The following INPP5D variants were observed in gnomAD, a reference collection of about 807,000 sequenced individuals.
INPP5D encodes the protein phosphatidylinositol 3,4,5-trisphosphate 5-phosphatase 1.
A neutral mutation model predicts 122.9 loss-of-function variants in INPP5D; 33 were observed. That is an observed-to-expected ratio of 0.27 (90% CI 0.20 to 0.36). INPP5D has a LOEUF of 0.36. Ranked by LOEUF, INPP5D falls within the 10% of genes least tolerant of loss-of-function variation. INPP5D has a pLI of 1.00. For synonymous variants in INPP5D, 584 were observed against 576.2 expected, an observed-to-expected ratio of 1.01 and a Z score of -0.19; for missense variants, 1,053 against 1,412.7, an observed-to-expected ratio of 0.75 and a Z score of 4.08.
At position 233,188,316 on chromosome 2, in the gene INPP5D, T is replaced by C. The variant is rs1321314648; in HGVS notation, c.2359-1534T>C. On this transcript the variant is annotated intron_variant, in intron 21 of 26. Coordinates refer to ENST00000445964, the MANE Select transcript of INPP5D (RefSeq NM_001017915.3). This position sits in a 1 kb window ranked among gnomAD's most constrained non-coding sequence, Gnocchi z 4.7. ...CCTGCTGTGGCCCCCTAGATAGTTC[T>C]CCTCCCTGCCACCGCCTGCCAGGGT... Among the ~76,000 whole-genome samples the C allele has an allele frequency of 1.3e-5, 2 of 151,946 alleles. No homozygotes were observed. Among genetic ancestry groups the C allele is most frequent in the Non-Finnish European group, 2.9e-5 (2 of 67,988 alleles).
chr2:233,074,419 C>A (rs989269813), intron 1 of INPP5D, among the ~76,000 whole-genome samples: 5 of 152,190 alleles, frequency 3.3e-5, no homozygotes, highest in Admixed American at 1.3e-4. Flanking sequence ...CACCTCCTGG[C>A]CAGCTGAGCC....
At chr2:233,152,961 C>G (rs1176728708) in intron 9 of INPP5D, among the ~76,000 whole-genome samples, 3 of 152,072 alleles carry the variant, frequency 2.0e-5, no homozygotes, top group Non-Finnish European at 2.9e-5. Context: ...ACAGGGACAC[C>G]AATTAGGAGG....
At chr2:233,070,673 C>A (rs1182188356) in intron 1 of INPP5D, among the ~76,000 whole-genome samples, 1 of 152,052 alleles carries the variant, frequency 6.6e-6, no homozygotes, top group African/African-American at 2.4e-5. Flanking sequence ...AAACTCCTGA[C>A]CTTGTGGTCC....
chr2:233,153,502 C>T (rs1693975453), intron 9 of INPP5D, among the ~76,000 whole-genome samples: 1 of 152,114 alleles, frequency 6.6e-6, no homozygotes, highest in Non-Finnish European at 1.5e-5. Context: ...TAGCGAGAGT[C>T]ACTTGTAGGA....
intron 17 of INPP5D, among the ~76,000 whole-genome samples, chr2:233,175,328 TA>T (rs1694591010): frequency 6.6e-6 from 1 of 152,064 alleles, no homozygotes; most frequent in African/African-American, 2.4e-5. Context: ...ATGTGATACT[TA>T]TAAACAATGG....
At chr2:233,129,727 G>A (rs1237266106) in intron 4 of INPP5D, among the ~76,000 whole-genome samples, 2 of 152,176 alleles carry the variant, frequency 1.3e-5, no homozygotes, top group Non-Finnish European at 2.9e-5. Flanking sequence ...CAGTGCCCTG[G>A]GTAGCCTTTG....
intron 1 of INPP5D, among the ~76,000 whole-genome samples, chr2:233,071,806 A>T (rs1241563644): frequency 6.6e-6 from 1 of 152,244 alleles, no homozygotes; most frequent in Non-Finnish European, 1.5e-5. Flanking sequence ...TATAACTGAT[A>T]ACATACAGGG....
At chr2:233,138,786 C>T (rs1023909433) in intron 5 of INPP5D, among the ~76,000 whole-genome samples, 1 of 152,008 alleles carries the variant, frequency 6.6e-6, no homozygotes, top group African/African-American at 2.4e-5. Context: ...CGCTCTGTCG[C>T]CCAGGCTGGA....
At chr2:233,065,580 CTTCTTTCTTTCTTTCTTTCTTTCT>C (rs66533229) in intron 1 of INPP5D, among the ~76,000 whole-genome samples, 4 of 13,260 alleles carry the variant, frequency 3.0e-4, no homozygotes, top group Admixed American at 1.5e-3. Flanking sequence ...TCTTTCTTTC[CTTCTTTCTTTCTTTCTTTCTTTCT>C]TTCTTTCTTT....
At chr2:233,060,635 C>A in intron 1 of INPP5D, 23 bp downstream of exon 1, 2 of 1,612,944 alleles carry the variant, frequency 1.2e-6, no homozygotes, top group Non-Finnish European at 1.7e-6. Context: ...TGCTCCCTCC[C>A]CGGGCACAGA....
chr2:233,128,538 C>A lies in INPP5D; in HGVS notation c.525-1970C>A, dbSNP rs112612363. On this transcript the variant is annotated intron_variant, in intron 4 of 26. Coordinates refer to ENST00000445964, the MANE Select transcript of INPP5D (RefSeq NM_001017915.3). This position sits in a 1 kb window ranked among gnomAD's most constrained non-coding sequence, Gnocchi z 4.5. Reference sequence around the variant, plus strand: ...TGTCACCCAAGCTGGAACACAGTGGCGCGATCTCGGCTCACTGCAACCTCT... The same window carrying A: ...TGTCACCCAAGCTGGAACACAGTGGAGCGATCTCGGCTCACTGCAACCTCT... Among the ~76,000 whole-genome samples, 1,434 of 152,276 alleles carry A rather than the reference C, an allele frequency of 9.4e-3. 7 individuals are homozygous for A. Among genetic ancestry groups the A allele is most frequent in the African/African-American group, 0.013 (556 of 41,550 alleles).
At chr2:233,125,405 C>T (rs749455116) in intron 3 of INPP5D, among the ~76,000 whole-genome samples, 1 of 152,216 alleles carries the variant, frequency 6.6e-6, no homozygotes, top group Non-Finnish European at 1.5e-5. Flanking sequence ...TGTCTCAGCC[C>T]CTGAAAGTCT....
At position 233,163,732 on chromosome 2, in the gene INPP5D, C is replaced by T; in HGVS notation, c.1266C>T (p.Ile422=). 6.2e-7 allele frequency: 1 copy of T among 1,613,916 alleles called. No individual in the cohort carries two copies. Among genetic ancestry groups the T allele is most frequent in the East Asian group, 2.2e-5 (1 of 44,878 alleles). Residue 422 remains isoleucine (I), a synonymous_variant, in exon 12 of 27, where the codon ATC becomes ATT. Coordinates refer to ENST00000445964, the MANE Select transcript of INPP5D (RefSeq NM_001017915.3). The part of the protein sequence containing the change: ...NMGNAPPPKK[I]TSWFLSKGQG... ...GTAACGCCCCCCCTCCCAAGAAGAT[C>T]ACGTCCTGGTTTCTCTCCAAGGGGC...
intron 2 of INPP5D, among the ~76,000 whole-genome samples, chr2:233,091,436 G>A (rs929843040): frequency 6.6e-6 from 1 of 152,212 alleles, no homozygotes; most frequent in African/African-American, 2.4e-5. Context: ...TGGCAGAGCT[G>A]AGCTCCTTCC....
intron 13 of INPP5D, among the ~76,000 whole-genome samples, chr2:233,168,541 A>G (rs1375942150): frequency 6.6e-6 from 1 of 152,274 alleles, no homozygotes; most frequent in East Asian, 1.9e-4. Context: ...GCAGCTACAG[A>G]CAATCCAGAA....
At chr2:233,116,518 G>A (rs541872180) in intron 2 of INPP5D, among the ~76,000 whole-genome samples, 1 of 152,100 alleles carries the variant, frequency 6.6e-6, no homozygotes, top group Non-Finnish European at 1.5e-5. Context: ...CACCTCCTGG[G>A]CTTAAGCAAT....
At chr2:233,198,506 T>C (rs1695245163) in intron 25 of INPP5D, 130 bp downstream of exon 25, 3 of 1,396,374 alleles carry the variant, frequency 2.1e-6, no homozygotes, top group Non-Finnish European at 2.8e-6. Flanking sequence ...GACTTATCCC[T>C]GGGGCCTGAA....
chr2:233,103,447 T>C (rs1223489982), intron 2 of INPP5D, among the ~76,000 whole-genome samples: 1 of 152,162 alleles, frequency 6.6e-6, no homozygotes, highest in Non-Finnish European at 1.5e-5. Flanking sequence ...TTTGCACCAG[T>C]AACTAGGCCC....
chr2:233,119,748 G>A (rs1212789307), intron 2 of INPP5D, among the ~76,000 whole-genome samples: 2 of 152,174 alleles, frequency 1.3e-5, no homozygotes, highest in Non-Finnish European at 2.9e-5. Flanking sequence ...TGAAAGAGGC[G>A]TATGTGTCCT....
Sources: allele counts gnomAD v4.1 joint callset (sites outside exome capture counted in the v4.1 genomes callset), GRCh38; gene constraint gnomAD v4.1.1; non-coding constraint Gnocchi (gnomAD v3.1); transcripts MANE v1.5; gene names NCBI Gene and HGNC (gene_info 2026-07-23, HGNC 2026-07-21).